The following LEKR1 variants were observed in gnomAD, a reference collection of about 807,000 sequenced individuals.
LEKR1 encodes protein LEKR1.
Under a neutral mutation model 72.4 loss-of-function variants are expected in LEKR1, and 59 were observed. The ratio of observed to expected loss-of-function variants is 0.82; its 90% CI spans 0.66 to 1.01. The LOEUF is 1.01. LEKR1 is among the 50% of genes least tolerant of loss of function. The probability of loss-of-function intolerance (pLI) is 0.00; values close to 1 mark genes in which losing one functional copy is unlikely to be tolerated. For missense variants in LEKR1, 728 were observed against 759.2 expected, an observed-to-expected ratio of 0.96 and a Z score of 0.48; for synonymous variants, 257 against 263.2, an observed-to-expected ratio of 0.98 and a Z score of 0.23.
At chr3:156,958,192 TACTC>T (rs773837808) in intron 6 of LEKR1, among the ~76,000 whole-genome samples, 6 of 152,174 alleles carry the variant, frequency 3.9e-5, no homozygotes, top group Non-Finnish European at 5.9e-5. Context: ...CCAACAATCT[TACTC>T]ATTCTCATAT....
rs185261334 is a variant in LEKR1 at position 157,033,630 on chromosome 3, A to G, written c.1668+5228A>G. ...GAAGCCATTTCCAGAACATAAAGGT[A>G]TAAGGTAAGATAGCAAGTGCTCATG... On this transcript the variant is annotated intron_variant, in intron 12 of 12. Coordinates refer to ENST00000356539, the MANE Select transcript of LEKR1 (RefSeq NM_001004316.3). 2.1e-4 allele frequency among the ~76,000 whole-genome samples: 32 copies of G among 152,330 alleles called. 1 individual carries two copies. In the East Asian group the frequency reaches 5.8e-3, roughly 28 times the overall value.
chr3:156,897,507 G>T lies in LEKR1; in HGVS notation c.264-23068G>T, dbSNP rs866146250. On this transcript the variant is annotated intron_variant, in intron 3 of 12. Transcript: ENST00000356539. ...TACATTTAAGAAATACACTGGGTTGGTCCAGAAAGGCAGGACAACTCAAAG... is the reference window on the plus strand; with the variant it reads ...TACATTTAAGAAATACACTGGGTTGTTCCAGAAAGGCAGGACAACTCAAAG... 3.3e-5 allele frequency among the ~76,000 whole-genome samples: 5 copies of T among 151,714 alleles called. No individual in the cohort carries two copies. The South Asian group carries it at 1.0e-3, about 32-fold the overall frequency.
intron 6 of LEKR1, among the ~76,000 whole-genome samples, chr3:156,950,260 T>G (rs1024248180): frequency 3.3e-5 from 5 of 151,630 alleles, no homozygotes; most frequent in South Asian, 2.1e-4. Flanking sequence ...TAGTTTGAAG[T>G]TGGATAATGT....
chr3:156,956,339 T>C (rs1214160372), intron 6 of LEKR1, among the ~76,000 whole-genome samples: 3 of 151,948 alleles, frequency 2.0e-5, no homozygotes, highest in Non-Finnish European at 4.4e-5. Flanking sequence ...TTGGGAAAAA[T>C]ATATTTTTAA....
At chr3:156,959,747 A>T (rs1189501978) in intron 6 of LEKR1, among the ~76,000 whole-genome samples, 7 of 152,208 alleles carry the variant, frequency 4.6e-5, no homozygotes, top group Non-Finnish European at 1.5e-5. Context: ...TTTTTTAACT[A>T]ACATGAAATA....
chr3:156,857,527 T>C (rs1228776300), intron 3 of LEKR1, among the ~76,000 whole-genome samples: 1 of 152,178 alleles, frequency 6.6e-6, no homozygotes, highest in Non-Finnish European at 1.5e-5. Context: ...AAAAGTACTT[T>C]GGTCCAGAAG....
intron 7 of LEKR1, among the ~76,000 whole-genome samples, chr3:156,980,782 T>C (rs891834867): frequency 3.3e-5 from 5 of 152,168 alleles, no homozygotes; most frequent in Non-Finnish European, 1.5e-5. Context: ...ACTTAGCATA[T>C]ATAGTGGAGT....
intron 3 of LEKR1, among the ~76,000 whole-genome samples, chr3:156,912,409 G>C (rs1279217836): frequency 2.0e-5 from 3 of 152,266 alleles, no homozygotes; most frequent in Middle Eastern, 6.8e-3. Flanking sequence ...GGGGTAGCAG[G>C]TGGCAGTATG....
At chr3:156,860,628 G>A (rs907258317) in intron 3 of LEKR1, among the ~76,000 whole-genome samples, 1 of 152,178 alleles carries the variant, frequency 6.6e-6, no homozygotes, top group African/African-American at 2.4e-5. Flanking sequence ...CCTGGCTGGA[G>A]TAGAGGGTGA....
intron 10 of LEKR1, among the ~76,000 whole-genome samples, chr3:157,014,136 T>A (rs1733119060): frequency 6.6e-6 from 1 of 152,126 alleles, no homozygotes; most frequent in African/African-American, 2.4e-5. Flanking sequence ...TAAAGTTTTT[T>A]AATTAAAAAA....
chr3:157,036,682 G>A (rs1273935582), intron 12 of LEKR1, among the ~76,000 whole-genome samples: 6 of 152,150 alleles, frequency 3.9e-5, no homozygotes, highest in Non-Finnish European at 8.8e-5. Context: ...CCAGGATAAT[G>A]GTGGGAAGAA....
chr3:156,834,875 A>G lies in LEKR1; in HGVS notation c.48+5498A>G, dbSNP rs1218152871. Among the ~76,000 whole-genome samples, 4 of 152,116 alleles carry G rather than the reference A, an allele frequency of 2.6e-5. No individual in the cohort carries two copies. In the East Asian group the frequency reaches 5.8e-4, roughly 22 times the overall value. ...TATTTTACCAATAATCTTTAAAACT[A>G]TACTTAACAAAGATTTCTAAAGTCA... On this transcript the variant is annotated intron_variant, in intron 2 of 12. Transcript: ENST00000356539.
intron 3 of LEKR1, among the ~76,000 whole-genome samples, chr3:156,866,041 T>G (rs751855754): frequency 2.6e-5 from 4 of 152,080 alleles, no homozygotes; most frequent in Non-Finnish European, 5.9e-5. Flanking sequence ...AAAACCAGTC[T>G]GATTCTTTGC....
At chr3:157,029,453 A>G (rs114588476) in intron 12 of LEKR1, among the ~76,000 whole-genome samples, 204 of 152,286 alleles carry the variant, frequency 1.3e-3, no homozygotes, top group African/African-American at 4.8e-3. Context: ...GGTGGAGCCA[A>G]GATTCAAATT....
At chr3:156,956,513 T>C (rs1727648217) in intron 6 of LEKR1, among the ~76,000 whole-genome samples, 1 of 151,812 alleles carries the variant, frequency 6.6e-6, no homozygotes, top group Non-Finnish European at 1.5e-5. Context: ...TCATTAACAA[T>C]GGGGAAAAAG....
intron 2 of LEKR1, among the ~76,000 whole-genome samples, chr3:156,844,052 GC>G (rs947802191): frequency 2.6e-5 from 4 of 152,006 alleles, no homozygotes; most frequent in African/African-American, 9.7e-5. Context: ...AAATACTTTT[GC>G]CAACTGACCA....
chr3:157,040,375 T>C (rs1735262229), intron 12 of LEKR1, among the ~76,000 whole-genome samples: 1 of 152,238 alleles, frequency 6.6e-6, no homozygotes, highest in Admixed American at 6.5e-5. Context: ...GTATGTCTAT[T>C]GCAGTTGGTT....
At position 157,045,644 on chromosome 3, in the gene LEKR1, T is replaced by A. The variant is rs373019941; in HGVS notation, c.1973T>A (p.Val658Glu). ...AAGCCGAAGAGGGTTAGATCAGGCGTGCCCATTCTCCCCCAGCCACATCCT... is the reference window on the plus strand; with the variant it reads ...AAGCCGAAGAGGGTTAGATCAGGCGAGCCCATTCTCCCCCAGCCACATCCT... Reference protein sequence around the residue: ...SDKPKRVRSGVPILPQPHPPR... With the variant: ...SDKPKRVRSGEPILPQPHPPR... Residue 658 changes from valine (V) to glutamate (E), a missense_variant, in exon 13 of 13, where the codon GTG becomes GAG. Coordinates refer to ENST00000356539, the MANE Select transcript of LEKR1 (RefSeq NM_001004316.3). 354 of 1,614,118 alleles carry A rather than the reference T, an allele frequency of 2.2e-4. 8 individuals carry two copies. In the South Asian group the frequency reaches 3.2e-3, roughly 15 times the overall value.
At chr3:156,995,788 C>T (rs887454606) in intron 9 of LEKR1, among the ~76,000 whole-genome samples, 2 of 152,096 alleles carry the variant, frequency 1.3e-5, no homozygotes, top group Non-Finnish European at 2.9e-5. Context: ...GCTGAGATCA[C>T]GCCATTGTCC....
Sources: gnomAD v4.1 joint callset for allele counts (sites outside exome capture counted in the v4.1 genomes callset) on GRCh38, gnomAD v4.1.1 for gene constraint, MANE v1.5 for transcripts, NCBI Gene and HGNC (gene_info 2026-07-23, HGNC 2026-07-21) for gene names.